Variants in PYGO1 observed in about 807,000 individuals in gnomAD.
The protein encoded by PYGO1 is pygopus homolog 1.
In PYGO1, 6 loss-of-function variants were observed where a neutral mutation model predicts 29.5. The observed-to-expected ratio is 0.20, with a 90% CI of 0.11 to 0.40. PYGO1 has a LOEUF of 0.40. Among genes scored for constraint, PYGO1 ranks in the 10% least tolerant of loss-of-function variants. The pLI is 1.00. For synonymous variants in PYGO1, 186 were observed against 180.5 expected (o/e 1.03, Z -0.24); for missense variants, 515 against 514.9 (o/e 1.00, Z 0.00).
At chr15:55,553,024 C>T (rs2058886710) in intron 1 of PYGO1, among the ~76,000 whole-genome samples, 1 of 152,210 alleles carries the variant, frequency 6.6e-6, no homozygotes, top group African/African-American at 2.4e-5. Context: ...TGGCCGCCAT[C>T]TCTGCAGTTG....
In PYGO1 at chr15:55,546,497, CATA is replaced by C; in HGVS notation, c.783_785del (p.Asn261_Met262delinsLys). 1 of 1,613,994 alleles carries C rather than the reference CATA, an allele frequency of 6.2e-7. No homozygotes were observed. The highest frequency in any genetic ancestry group is 8.5e-7 in the Non-Finnish European group (1 of 1,179,992). On this transcript the variant is annotated inframe_deletion, in exon 3 of 3. Transcript: ENST00000563719. ...TATTACTCTGATTCACTGTGTCATC[CATA>C]TTCAAGTGAGGTGGATGAGCAGAGG...
intron 1 of PYGO1, among the ~76,000 whole-genome samples, chr15:55,574,646 ATATGTG>A (rs1398893972): frequency 5.9e-5 from 2 of 33,742 alleles, no homozygotes; most frequent in Non-Finnish European, 2.2e-4. Flanking sequence ...GGTATACTGT[ATATGTG>A]TGTGTGTGTG....
chr15:55,581,958 G>T (rs895063066), intron 1 of PYGO1, among the ~76,000 whole-genome samples: 1 of 150,624 alleles, frequency 6.6e-6, no homozygotes, highest in Admixed American at 6.6e-5. Flanking sequence ...TACAATCCCA[G>T]CACTTTGGGA....
At chr15:55,549,069 T>C in intron 1 of PYGO1, 74 bp from the exon 2 acceptor site, 2 of 1,126,062 alleles carry the variant, frequency 1.8e-6, no homozygotes, top group Non-Finnish European at 2.6e-6. Flanking sequence ...GTAATATCTA[T>C]TATATTTACC....
rs2058866250 is a variant in PYGO1 at position 55,548,949 on chromosome 15, T to C, written c.96A>G (p.Leu32=). 7.4e-6 allele frequency: 12 copies of C among 1,612,972 alleles called. No homozygotes were observed. Among genetic ancestry groups the C allele is most frequent in the Non-Finnish European group, 9.3e-6 (11 of 1,179,590 alleles). Residue 32 remains leucine, a synonymous_variant, in exon 2 of 3, where the codon CTA becomes CTG. Coordinates refer to ENST00000563719, the MANE Select transcript of PYGO1 (RefSeq NM_001367806.1). ...LDGLGGPGVQ[L]GSPDKKKRKA... is the part of the protein sequence containing the mutation. The stretch of plus-strand genomic sequence containing the variant: ...TGCGCTTTTTCTTATCTGGGCTTCC[T>C]AGTTGTACACCTGGTCCTCCTAACC...
chr15:55,552,348 G>A (rs1051301614), intron 1 of PYGO1, among the ~76,000 whole-genome samples: 12 of 130,238 alleles, frequency 9.2e-5, no homozygotes, highest in South Asian at 2.6e-4. Flanking sequence ...GCAAAAGAGC[G>A]AGACTCTGTC....
intron 2 of PYGO1, 36 bp from the exon 3 acceptor site, chr15:55,547,183 G>C (rs774287481): frequency 6.7e-7 from 1 of 1,497,694 alleles, no homozygotes; most frequent in African/African-American, 1.4e-5. Context: ...ACATGTTTTC[G>C]ATCAAATACA....
chr15:55,578,049 A>C (rs1427328876), intron 1 of PYGO1, among the ~76,000 whole-genome samples: 1 of 152,160 alleles, frequency 6.6e-6, no homozygotes, highest in Admixed American at 6.5e-5. Flanking sequence ...CCTTCTATTT[A>C]TAATATGCCT....
intron 1 of PYGO1, among the ~76,000 whole-genome samples, chr15:55,585,572 TA>T: frequency 6.6e-6 from 1 of 152,230 alleles, no homozygotes; most frequent in Non-Finnish European, 1.5e-5. Context: ...CTTTTTATTT[TA>T]AAAAGTGTTT....
At chr15:55,556,325 G>A (rs2058904867) in intron 1 of PYGO1, among the ~76,000 whole-genome samples, 1 of 152,064 alleles carries the variant, frequency 6.6e-6, no homozygotes, top group Admixed American at 6.6e-5. Context: ...GCAATCAAAT[G>A]AGAACTCAAA....
At chr15:55,558,424 A>G (rs2058917037) in intron 1 of PYGO1, among the ~76,000 whole-genome samples, 1 of 152,176 alleles carries the variant, frequency 6.6e-6, no homozygotes, top group Admixed American at 6.6e-5. Context: ...ATACTGCCCA[A>G]GGTAATTTAT....
intron 1 of PYGO1, among the ~76,000 whole-genome samples, chr15:55,554,466 CTCAAAAAAA>C (rs2058894177): frequency 4.1e-5 from 3 of 73,914 alleles, no homozygotes; most frequent in African/African-American, 7.1e-5. Context: ...AAGACTCTGT[CTCAAAAAAA>C]AAAAAAAAAA....
At chr15:55,553,456 C>T (rs1259537379) in intron 1 of PYGO1, among the ~76,000 whole-genome samples, 1 of 151,288 alleles carries the variant, frequency 6.6e-6, no homozygotes, top group Non-Finnish European at 1.5e-5. Context: ...AGTGCAGTGG[C>T]GTAGCCTTGG....
chr15:55,558,341 A>G lies in PYGO1; in HGVS notation c.50-9346T>C, dbSNP rs571302905. On this transcript the variant is annotated intron_variant, in intron 1 of 2. Coordinates refer to ENST00000563719, the MANE Select transcript of PYGO1 (RefSeq NM_001367806.1). ...ACTACAAACCACTGCTCAACAAAAT[A>G]AAAGAGGATACAAACAAATGGAAGA... Among the ~76,000 whole-genome samples, 593 of 152,116 alleles carry G rather than the reference A, an allele frequency of 3.9e-3. 6 individuals are homozygous for G. Among genetic ancestry groups the G allele is most frequent in the African/African-American group, 0.014 (567 of 41,490 alleles).
In PYGO1 at chr15:55,543,499, C is replaced by A. The variant is rs1376139178; in HGVS notation, c.*2524G>T. On this transcript the variant is annotated 3_prime_UTR_variant, in exon 3 of 3. Transcript: ENST00000563719. ...AAGTAAGGTGCTTTGAAGACCTAAACACCTGAATAAAAATTCACCTGTTTG... is the reference window on the plus strand; with the variant it reads ...AAGTAAGGTGCTTTGAAGACCTAAAAACCTGAATAAAAATTCACCTGTTTG... 1 of 152,116 alleles carries A rather than the reference C, an allele frequency of 6.6e-6. No homozygotes were observed. Among genetic ancestry groups the A allele is most frequent in the African/African-American group, 2.4e-5 (1 of 41,442 alleles). 9.4% of individuals were successfully genotyped at this position (152,116 alleles called of 1,614,324 possible). A position where few individuals can be genotyped will look rare whatever the true frequency, so the allele number is the denominator to read the frequency against.
intron 1 of PYGO1, among the ~76,000 whole-genome samples, chr15:55,582,033 C>T (rs950634714): frequency 1.3e-5 from 2 of 152,026 alleles, no homozygotes; most frequent in Admixed American, 6.6e-5. Context: ...ATGATGAAAT[C>T]AGCCCTCTAC....
intron 1 of PYGO1, among the ~76,000 whole-genome samples, chr15:55,564,121 C>T (rs1337188450): frequency 3.9e-5 from 6 of 152,136 alleles, no homozygotes; most frequent in African/African-American, 1.2e-4. Flanking sequence ...ACTTGTACAA[C>T]GTTTTTAGCA....
At chr15:55,583,066 C>A (rs1022079774) in intron 1 of PYGO1, among the ~76,000 whole-genome samples, 1 of 151,844 alleles carries the variant, frequency 6.6e-6, no homozygotes, top group African/African-American at 2.4e-5. Flanking sequence ...CCTTGACTTC[C>A]TTCTTCATCT....
intron 1 of PYGO1, among the ~76,000 whole-genome samples, chr15:55,574,827 T>C (rs1353454050): frequency 6.6e-6 from 1 of 152,230 alleles, no homozygotes; most frequent in Non-Finnish European, 1.5e-5. Flanking sequence ...AGTATCTTTG[T>C]TTTTGTTCGT....
Sources: allele counts gnomAD v4.1 joint callset (sites outside exome capture counted in the v4.1 genomes callset), GRCh38; gene constraint gnomAD v4.1.1; transcripts MANE v1.5; gene names NCBI Gene and HGNC (gene_info 2026-07-23, HGNC 2026-07-21).